The following ARHGAP18 variants were observed in gnomAD, a reference collection of about 807,000 sequenced individuals.
ARHGAP18 encodes the protein rho GTPase-activating protein 18.
A neutral mutation model predicts 86.2 loss-of-function variants in ARHGAP18; 67 were observed. That is an observed-to-expected ratio of 0.78 (90% CI 0.64 to 0.95). ARHGAP18 has a LOEUF of 0.95. ARHGAP18 is among the 40% of genes least tolerant of loss of function. The pLI is 0.00. For missense variants in ARHGAP18, 691 were observed against 780.4 expected (o/e 0.89, Z 1.37); for synonymous variants, 283 against 280.4 (o/e 1.01, Z -0.09).
chr6:129,707,529 C>T (rs1175127573), intron 1 of ARHGAP18, among the ~76,000 whole-genome samples: 1 of 152,058 alleles, frequency 6.6e-6, no homozygotes, highest in African/African-American at 2.4e-5. Flanking sequence ...AGTGCAGTGG[C>T]GTGATCTCAG....
intron 1 of ARHGAP18, among the ~76,000 whole-genome samples, chr6:129,709,146 G>A (rs923436978): frequency 1.3e-5 from 2 of 152,202 alleles, no homozygotes; most frequent in Non-Finnish European, 2.9e-5. Flanking sequence ...AGGAGGAAAT[G>A]TGCTTACCGA....
At chr6:129,674,494 T>C (rs1030103128) in intron 1 of ARHGAP18, among the ~76,000 whole-genome samples, 4 of 152,254 alleles carry the variant, frequency 2.6e-5, no homozygotes, top group African/African-American at 4.8e-5. Context: ...ATCTGTGGAT[T>C]CAGCCAACCA....
chr6:129,691,157 T>C (rs113341640), intron 1 of ARHGAP18, among the ~76,000 whole-genome samples: 1 of 152,164 alleles, frequency 6.6e-6, no homozygotes, highest in Non-Finnish European at 1.5e-5. Context: ...AGGTAGTATG[T>C]TTATGGGGGA....
At chr6:129,582,155 T>A (rs4243500) in intron 13 of ARHGAP18, among the ~76,000 whole-genome samples, 151,958 of 152,148 alleles carry the variant, frequency 1, 75,884 homozygotes, top group East Asian at 1. Context: ...AAGAGCGGGA[T>A]GAAGATACCC....
At chr6:129,602,551 A>T (rs907537403) in intron 10 of ARHGAP18, among the ~76,000 whole-genome samples, 1 of 152,190 alleles carries the variant, frequency 6.6e-6, no homozygotes, top group Non-Finnish European at 1.5e-5. Flanking sequence ...TATAACTGCT[A>T]TATAGACCTT....
At chr6:129,686,485 G>A (rs891888520) in intron 1 of ARHGAP18, among the ~76,000 whole-genome samples, 4 of 152,214 alleles carry the variant, frequency 2.6e-5, no homozygotes, top group Non-Finnish European at 4.4e-5. Flanking sequence ...TGAGGATAGA[G>A]GTTCCCTGCG....
At chr6:129,680,656 G>A (rs1774308342) in intron 1 of ARHGAP18, among the ~76,000 whole-genome samples, 1 of 152,196 alleles carries the variant, frequency 6.6e-6, no homozygotes, top group Non-Finnish European at 1.5e-5. Context: ...AGGTAAATCT[G>A]GGCAAGGCCG....
chr6:129,692,528 C>A (rs1220409324), intron 1 of ARHGAP18, among the ~76,000 whole-genome samples: 1 of 152,144 alleles, frequency 6.6e-6, no homozygotes, highest in African/African-American at 2.4e-5. Flanking sequence ...AGCATACAGA[C>A]AAAAACATAC....
chr6:129,643,755 C>T (rs1054588375), intron 1 of ARHGAP18, among the ~76,000 whole-genome samples: 1 of 151,700 alleles, frequency 6.6e-6, no homozygotes, highest in African/African-American at 2.4e-5. Context: ...AAAATTACAA[C>T]AAAATAATAG....
intron 12 of ARHGAP18, among the ~76,000 whole-genome samples, chr6:129,587,127 A>C (rs904277349): frequency 6.6e-6 from 1 of 152,212 alleles, no homozygotes; most frequent in Admixed American, 6.5e-5. Flanking sequence ...TGATAACATA[A>C]ACAAAGTAAA....
chr6:129,688,369 AATAATT>A (rs1252139194), intron 1 of ARHGAP18, among the ~76,000 whole-genome samples: 3 of 152,334 alleles, frequency 2.0e-5, no homozygotes, highest in East Asian at 3.9e-4. Context: ...GTAACATTAT[AATAATT>A]ATAACTTCCA....
intron 1 of ARHGAP18, among the ~76,000 whole-genome samples, chr6:129,686,978 C>CTTTTT (rs71028176): frequency 2.1e-4 from 22 of 106,934 alleles, no homozygotes; most frequent in East Asian, 5.3e-4. Context: ...TTTTTTTTTT[C>CTTTTT]TTTTTTTTTT....
intron 1 of ARHGAP18, among the ~76,000 whole-genome samples, chr6:129,684,928 G>T (rs1416911922): frequency 6.6e-6 from 1 of 152,158 alleles, no homozygotes; most frequent in East Asian, 1.9e-4. Context: ...AGTGTTTCAT[G>T]ATCCTAGAAA....
intron 5 of ARHGAP18, among the ~76,000 whole-genome samples, chr6:129,626,171 A>G (rs909780756): frequency 6.7e-6 from 1 of 149,194 alleles, no homozygotes; most frequent in African/African-American, 2.5e-5. Flanking sequence ...TCAATAAATT[A>G]TGATACATCT....
chr6:129,612,078 T>C (rs1401045440), intron 7 of ARHGAP18, among the ~76,000 whole-genome samples: 1 of 152,218 alleles, frequency 6.6e-6, no homozygotes, highest in Non-Finnish European at 1.5e-5. Context: ...TTTTAAGTCT[T>C]TGGTGTTAAA....
intron 1 of ARHGAP18, among the ~76,000 whole-genome samples, chr6:129,702,307 A>T (rs1467796182): frequency 6.6e-6 from 1 of 152,196 alleles, no homozygotes; most frequent in African/African-American, 2.4e-5. Context: ...CTTCAGAAAG[A>T]TCTAGACATC....
At chr6:129,709,728 T>C (rs544299825) in intron 1 of ARHGAP18, among the ~76,000 whole-genome samples, 9 of 152,364 alleles carry the variant, frequency 5.9e-5, no homozygotes, top group South Asian at 4.1e-4. Flanking sequence ...ATAGACCTAT[T>C]TGATCTTTCA....
At chr6:129,588,567 G>A (rs113711275) in intron 12 of ARHGAP18, among the ~76,000 whole-genome samples, 15,154 of 152,274 alleles carry the variant, frequency 0.1, 922 homozygotes, top group Middle Eastern at 0.17. Context: ...GCTTTCACAG[G>A]CTGATGTTGA....
At chr6:129,628,005 G>A (rs531695999) in intron 5 of ARHGAP18, among the ~76,000 whole-genome samples, 142 of 152,236 alleles carry the variant, frequency 9.3e-4, no homozygotes, top group African/African-American at 3.3e-3. Context: ...GGTATGAATA[G>A]GTCAGGATTG....
Sources: allele counts gnomAD v4.1 joint callset (sites outside exome capture counted in the v4.1 genomes callset), GRCh38; gene constraint gnomAD v4.1.1; transcripts MANE v1.5; gene names NCBI Gene and HGNC (gene_info 2026-07-23, HGNC 2026-07-21).